CASTOR2: variants seen among roughly 807,000 people sequenced by gnomAD.
CASTOR2 encodes the protein GATS protein like 2.
In CASTOR2, 8 loss-of-function variants were observed where a neutral mutation model predicts 31.2. The ratio of observed to expected loss-of-function variants is 0.26; its 90% confidence interval spans 0.15 to 0.46. The LOEUF (loss-of-function observed/expected upper bound fraction) is 0.46. Ranked by LOEUF, CASTOR2 falls within the 20% of genes least tolerant of loss-of-function variation. CASTOR2 has a pLI of 0.99. For synonymous variants in CASTOR2, 162 were observed against 158.7 expected, an observed-to-expected ratio of 1.02 and a Z score of -0.16; for missense variants, 216 against 382.1, an observed-to-expected ratio of 0.57 and a Z score of 3.62.
At chr7:75,006,116 A>G (rs1462821519) in intron 1 of CASTOR2, among the ~76,000 whole-genome samples, 116 of 152,256 alleles carry the variant, frequency 7.6e-4, no homozygotes, top group Non-Finnish European at 1.5e-3. Context: ...TGACAGGGTG[A>G]GAGACTGTCT....
chr7:75,029,533 A>G lies in CASTOR2; in HGVS notation c.*4834A>G, dbSNP rs1805240736. On this transcript the variant is annotated 3_prime_UTR_variant, in exon 9 of 9. Transcript: ENST00000616305. ...TAATTTTTGTATTTTTAGTAGAGAC[A>G]GGGTTTCACTATGTTGGCCAGGCTG... Among the ~76,000 whole-genome samples, 7 of 151,884 alleles carry G rather than the reference A, an allele frequency of 4.6e-5. No individual in the cohort carries two copies.
chr7:75,024,427 T>C lies in CASTOR2; in HGVS notation c.830-13T>C. 6.4e-7 allele frequency: 1 copy of C among 1,551,506 alleles called. No homozygotes were observed. The highest frequency in any genetic ancestry group is 8.7e-7 in the Non-Finnish European group (1 of 1,146,798). On this transcript the variant is annotated splice_polypyrimidine_tract_variant and intron_variant, in intron 7 of 8. Transcript: ENST00000616305. ...GGTTACACAGAGGCTAAGGACGGTC[T>C]CTCCTGTTCTAGATGAGTGTGGCAT...
At chr7:74,998,496 G>A (rs1462351141) in intron 1 of CASTOR2, among the ~76,000 whole-genome samples, 12 of 152,016 alleles carry the variant, frequency 7.9e-5, no homozygotes, top group Admixed American at 7.2e-4. Context: ...CCGGCTACTC[G>A]GGGAGCTGAG....
chr7:75,022,377 C>T (rs964241585), intron 7 of CASTOR2, among the ~76,000 whole-genome samples: 6 of 152,024 alleles, frequency 3.9e-5, no homozygotes, highest in Admixed American at 3.3e-4. Context: ...TGGTGGCTGG[C>T]GCCTGTAATC....
chr7:75,005,226 C>A (rs1400004997), intron 1 of CASTOR2, among the ~76,000 whole-genome samples: 55 of 152,234 alleles, frequency 3.6e-4, no homozygotes, highest in African/African-American at 1.3e-3. Context: ...GGCCCATCCC[C>A]CCAGAATTTC....
chr7:75,012,075 A>C (rs1419928329), intron 2 of CASTOR2, among the ~76,000 whole-genome samples: 1 of 152,192 alleles, frequency 6.6e-6, no homozygotes. Context: ...CCAGGACGGA[A>C]AGTAGGAAAT....
chr7:74,986,576 C>T (rs1804072286), intron 1 of CASTOR2, among the ~76,000 whole-genome samples: 1 of 152,122 alleles, frequency 6.6e-6, no homozygotes, highest in Non-Finnish European at 1.5e-5. Context: ...TCTAGAGCCC[C>T]AAGGGCCATG....
intron 2 of CASTOR2, among the ~76,000 whole-genome samples, chr7:75,009,260 A>G (rs1584472464): frequency 1.0e-5 from 1 of 97,342 alleles, no homozygotes; most frequent in Non-Finnish European, 2.0e-5. Context: ...CTGGCCTGAG[A>G]ACTTTTTTTT....
chr7:75,019,930 G>T, intron 5 of CASTOR2, 109 bp from the exon 6 acceptor site: 3 of 952,474 alleles, frequency 3.1e-6, no homozygotes, highest in Non-Finnish European at 4.7e-6. Flanking sequence ...CTGGCCCAGG[G>T]TCACCCAGGT....
chr7:75,015,400 G>A (rs1804842514), intron 2 of CASTOR2, among the ~76,000 whole-genome samples: 1 of 151,994 alleles, frequency 6.6e-6, no homozygotes, highest in African/African-American at 2.4e-5. Flanking sequence ...CTCCCAAGTG[G>A]CTGGGACCAC....
At chr7:75,012,594 A>G (rs1283651087) in intron 2 of CASTOR2, among the ~76,000 whole-genome samples, 2 of 150,814 alleles carry the variant, frequency 1.3e-5, no homozygotes, top group African/African-American at 2.4e-5. Flanking sequence ...GGCATGAACT[A>G]CTGCACCTAG....
At position 75,011,727 on chromosome 7, in the gene CASTOR2, CA is replaced by C. The variant is rs587617013; in HGVS notation, c.184+3682del. On this transcript the variant is annotated intron_variant, in intron 2 of 8. Coordinates refer to ENST00000616305, the MANE Select transcript of CASTOR2 (RefSeq NM_001145064.3). ...TCCAGCCTGGGCAACAGAGCTGTCT[CA>C]AAAAAAAAAAAAAAAAAACCAAAAA... is the stretch of plus-strand genomic sequence containing the variant. Among the ~76,000 whole-genome samples, 148 of 44,560 alleles carry C rather than the reference CA, an allele frequency of 3.3e-3. No homozygotes were observed. In the Middle Eastern group the frequency reaches 0.062, roughly 19 times the overall value. The allele number at this position is 44,560 out of a possible 152,430, so 29.2% of individuals were successfully genotyped here.
chr7:75,018,487 C>T (rs1305739195), intron 4 of CASTOR2, among the ~76,000 whole-genome samples: 227 of 151,968 alleles, frequency 1.5e-3, no homozygotes, highest in African/African-American at 4.7e-3. Context: ...TGTGGTGAGC[C>T]GAGATTGTGC....
intron 1 of CASTOR2, among the ~76,000 whole-genome samples, chr7:74,989,349 T>G (rs1804150046): frequency 6.6e-6 from 1 of 150,526 alleles, no homozygotes; most frequent in Admixed American, 6.6e-5. Flanking sequence ...CTGGACCTCC[T>G]GGGCTCAAGC....
In CASTOR2 at chr7:75,025,684, C is replaced by T. The variant is rs1014892061; in HGVS notation, c.*985C>T. Among the ~76,000 whole-genome samples the T allele has an allele frequency of 6.6e-6, 1 of 152,386 alleles. No homozygotes were observed. Among genetic ancestry groups the T allele is most frequent in the Admixed American group, 6.5e-5 (1 of 15,308 alleles). On this transcript the variant is annotated 3_prime_UTR_variant, in exon 9 of 9. Coordinates refer to ENST00000616305, the MANE Select transcript of CASTOR2 (RefSeq NM_001145064.3). ...GGCTGTGGCATTCATGAGTACTTGA[C>T]CCAGGAGGCAGCTTAACTGAGCCTT...
intron 1 of CASTOR2, among the ~76,000 whole-genome samples, chr7:75,007,254 C>T (rs1375683614): frequency 6.6e-6 from 1 of 152,142 alleles, no homozygotes; most frequent in East Asian, 1.9e-4. Context: ...GAAGCTCAGC[C>T]CAAGGGCCAC....
intron 4 of CASTOR2, 52 bp from the exon 5 acceptor site, chr7:75,018,920 G>C (rs1804929905): frequency 6.4e-7 from 1 of 1,551,684 alleles, no homozygotes; most frequent in African/African-American, 1.4e-5. Flanking sequence ...ACCCACCAGA[G>C]CTGCTGCTTT....
At position 75,028,057 on chromosome 7, in the gene CASTOR2, G is replaced by T; in HGVS notation, c.*3358G>T. ...TCAGAGGAGTGGGCCTGTTGTCTTG[G>T]CGCTGGCGGATGGGGCAGGTGCCTG... On this transcript the variant is annotated 3_prime_UTR_variant, in exon 9 of 9. Coordinates refer to ENST00000616305, the MANE Select transcript of CASTOR2 (RefSeq NM_001145064.3). The T allele has an allele frequency of 1.3e-6, 2 of 1,534,612 alleles. No homozygotes were observed. The highest frequency in any genetic ancestry group is 3.9e-5 in the Admixed American group (2 of 50,966).
intron 6 of CASTOR2, 22 bp from the exon 7 acceptor site, chr7:75,021,842 CCTCGGGGATT>C (rs1271661736): frequency 3.2e-6 from 5 of 1,551,212 alleles, no homozygotes; most frequent in Non-Finnish European, 3.5e-6. Flanking sequence ...TTCACATCAG[CCTCGGGGATT>C]CTTCTCTCGC....
Sources: gnomAD v4.1 joint callset for allele counts (sites outside exome capture counted in the v4.1 genomes callset) on GRCh38, gnomAD v4.1.1 for gene constraint, MANE v1.5 for transcripts, NCBI Gene and HGNC (gene_info 2026-07-23, HGNC 2026-07-21) for gene names.